The following GIGYF2 variants were observed in gnomAD, a reference collection of about 807,000 sequenced individuals.
The protein encoded by GIGYF2 is GRB10-interacting GYF protein 2.
In GIGYF2, 25 loss-of-function variants were observed where a neutral mutation model predicts 208.1. The observed-to-expected ratio is 0.12, with a 90% confidence interval of 0.09 to 0.17. The LOEUF is 0.17. Ranked by LOEUF, GIGYF2 falls within the 10% of genes least tolerant of loss-of-function variation. The pLI is 1.00. For missense variants in GIGYF2, 1,302 were observed against 1,579.4 expected, an observed-to-expected ratio of 0.82 and a Z score of 2.98; for synonymous variants, 534 against 543.8, an observed-to-expected ratio of 0.98 and a Z score of 0.25.
chr2:232,794,621 A>G (rs959032157), intron 12 of GIGYF2, 127 bp from the exon 13 acceptor site: 2 of 762,876 alleles, frequency 2.6e-6, no homozygotes, highest in Non-Finnish European at 4.7e-6. Flanking sequence ...AAGTAGCTTC[A>G]CTGTTCATGA....
chr2:232,844,445 C>G lies in GIGYF2; in HGVS notation c.3176C>G (p.Ser1059Cys), dbSNP rs1399636994. Residue 1059 changes from serine to cysteine, a missense_variant, in exon 25 of 29, where the codon TCT becomes TGT. Transcript: ENST00000373563. ...ACTGGTCCTCCTAACCAGTGGGCAT[C>G]TGACCTAGTCAGTAGTATTTGGAGT... ...INTGPPNQWA[S>C]DLVSSIWSNA... is the part of the protein sequence containing the mutation. The G allele has an allele frequency of 6.2e-7, 1 of 1,612,250 alleles. No homozygotes were observed. Among genetic ancestry groups the G allele is most frequent in the Admixed American group, 1.7e-5 (1 of 59,998 alleles).
At chr2:232,846,423 A>C (rs1178812960) in intron 26 of GIGYF2, among the ~76,000 whole-genome samples, 1 of 152,102 alleles carries the variant, frequency 6.6e-6, no homozygotes, top group Non-Finnish European at 1.5e-5. Flanking sequence ...GTTTACAAAC[A>C]GAACTGTCTC....
At chr2:232,700,434 G>A (rs951290293) in intron 1 of GIGYF2, among the ~76,000 whole-genome samples, 3 of 152,040 alleles carry the variant, frequency 2.0e-5, no homozygotes, top group Admixed American at 2.0e-4. Flanking sequence ...AACCTTTTTG[G>A]GTAAAAAGAT....
At chr2:232,846,162 T>C (rs1349956343) in intron 26 of GIGYF2, among the ~76,000 whole-genome samples, 4 of 152,224 alleles carry the variant, frequency 2.6e-5, no homozygotes, top group Non-Finnish European at 1.5e-5. Context: ...AGTTCCATAC[T>C]GTTCATTTTA....
chr2:232,777,507 T>C (rs1352699937), intron 8 of GIGYF2, among the ~76,000 whole-genome samples: 1 of 152,134 alleles, frequency 6.6e-6, no homozygotes, highest in East Asian at 1.9e-4. Flanking sequence ...ACAAAGACTG[T>C]GATTGTTCAA....
intron 28 of GIGYF2, among the ~76,000 whole-genome samples, chr2:232,855,005 T>C (rs1000168706): frequency 8.5e-5 from 13 of 152,078 alleles, no homozygotes; most frequent in Admixed American, 7.9e-4. Context: ...CCTCCAATTA[T>C]AGAAGTTTTG....
chr2:232,848,027 A>T (rs748850218), intron 27 of GIGYF2, among the ~76,000 whole-genome samples: 4 of 152,204 alleles, frequency 2.6e-5, no homozygotes, highest in Non-Finnish European at 5.9e-5. Flanking sequence ...ACATTCTGTA[A>T]AGTCCCCATG....
In GIGYF2 at chr2:232,804,459, T is replaced by G. The variant is rs139777249; in HGVS notation, c.1640-2032T>G. Reference sequence around the variant, plus strand: ...GAGTTCTTTTTGTTTTCTGTTTTTTTGGGTAGTTTCCTTGAGATTTTACAT... The same window carrying G: ...GAGTTCTTTTTGTTTTCTGTTTTTTGGGGTAGTTTCCTTGAGATTTTACAT... On this transcript the variant is annotated intron_variant, in intron 14 of 28. Coordinates refer to ENST00000373563, the MANE Select transcript of GIGYF2 (RefSeq NM_001103146.3). 2.2e-3 allele frequency among the ~76,000 whole-genome samples: 338 copies of G among 152,126 alleles called. 2 individuals carry two copies. The highest frequency in any genetic ancestry group is 7.6e-3 in the African/African-American group (314 of 41,512).
At chr2:232,835,366 C>T (rs187628019) in intron 22 of GIGYF2, among the ~76,000 whole-genome samples, 2 of 152,202 alleles carry the variant, frequency 1.3e-5, no homozygotes, top group East Asian at 1.9e-4. Flanking sequence ...GTCATCATAC[C>T]TTCCTTTACT....
At chr2:232,825,344 TGA>T (rs1701215357) in intron 21 of GIGYF2, among the ~76,000 whole-genome samples, 1 of 152,202 alleles carries the variant, frequency 6.6e-6, no homozygotes, top group Non-Finnish European at 1.5e-5. Context: ...TAGTGATTCA[TGA>T]GAGGAAGTCA....
chr2:232,737,000 A>G (rs1030831925), intron 3 of GIGYF2, among the ~76,000 whole-genome samples: 7 of 152,238 alleles, frequency 4.6e-5, no homozygotes, highest in African/African-American at 1.7e-4. Context: ...TTGGCAAACT[A>G]TGGCCTGTGG....
rs1037863681 is a variant in GIGYF2, at chr2:232,858,017, G to A, written c.*1157G>A. 10 of 165,014 alleles carry A rather than the reference G, an allele frequency of 6.1e-5. No individual in the cohort carries two copies. The highest frequency in any genetic ancestry group is 1.2e-4 in the Non-Finnish European group (9 of 76,988). The allele number at this position is 165,014 out of a possible 1,614,324, so 10.2% of individuals were successfully genotyped here. A position where few individuals can be genotyped will look rare whatever the true frequency, so the allele number is the denominator to read the frequency against. ...ATGCAGTGGGCTGGAGGGGATGGGCGAAAATGGGAGCAGGAAGCCTGGCCT... is the reference window on the plus strand; with the variant it reads ...ATGCAGTGGGCTGGAGGGGATGGGCAAAAATGGGAGCAGGAAGCCTGGCCT... On this transcript the variant is annotated 3_prime_UTR_variant, in exon 29 of 29. Transcript: ENST00000373563.
intron 6 of GIGYF2, 120 bp downstream of exon 6, chr2:232,756,454 A>C (rs1698545865): frequency 1.7e-6 from 1 of 579,118 alleles, no homozygotes; most frequent in African/African-American, 1.9e-5. Context: ...ACTGCATACT[A>C]AATGTCCTGA....
chr2:232,780,276 A>G (rs1405260535), intron 8 of GIGYF2, among the ~76,000 whole-genome samples: 1 of 152,194 alleles, frequency 6.6e-6, no homozygotes, highest in Non-Finnish European at 1.5e-5. Context: ...AATTTAATTT[A>G]ATTTTTAGAT....
intron 21 of GIGYF2, among the ~76,000 whole-genome samples, chr2:232,830,955 A>G (rs1040273808): frequency 6.6e-6 from 1 of 152,226 alleles, no homozygotes; most frequent in African/African-American, 2.4e-5. Flanking sequence ...GTTTTAAGAA[A>G]TATTGGTTAG....
rs1047303167 is a variant in GIGYF2, at chr2:232,847,337, C to T, written c.3461-11C>T. 1.2e-6 allele frequency: 2 copies of T among 1,609,616 alleles called. No homozygotes were observed. The highest frequency in any genetic ancestry group is 1.3e-5 in the African/African-American group (1 of 74,910). ...ATTGTTACCCTTATCTTCTCCCCTCCCGTTTTGCAGTTCCCACATTTGTTT... is the reference window on the plus strand; with the variant it reads ...ATTGTTACCCTTATCTTCTCCCCTCTCGTTTTGCAGTTCCCACATTTGTTT... On this transcript the variant is annotated splice_polypyrimidine_tract_variant and intron_variant, in intron 26 of 28. Coordinates refer to ENST00000373563, the MANE Select transcript of GIGYF2 (RefSeq NM_001103146.3).
chr2:232,772,764 A>G (rs950490100), intron 8 of GIGYF2, among the ~76,000 whole-genome samples: 4 of 152,206 alleles, frequency 2.6e-5, no homozygotes, highest in East Asian at 1.9e-4. Context: ...CTTTAGAGGT[A>G]GATACCCTTG....
intron 21 of GIGYF2, among the ~76,000 whole-genome samples, chr2:232,829,661 G>A (rs1225665581): frequency 6.6e-6 from 1 of 152,100 alleles, no homozygotes. Context: ...CTAGAGATTT[G>A]GGGGCTCATC....
chr2:232,840,114 A>G lies in GIGYF2; in HGVS notation c.2889+143A>G, dbSNP rs75843158. On this transcript the variant is annotated intron_variant, in intron 23 of 28. Coordinates refer to ENST00000373563, the MANE Select transcript of GIGYF2 (RefSeq NM_001103146.3). ...GACGTTCATTATTAAACTTCAGCCCATAATTTGGTTACCCTAGCAAATGTG... is the reference window on the plus strand; with the variant it reads ...GACGTTCATTATTAAACTTCAGCCCGTAATTTGGTTACCCTAGCAAATGTG... 5.6e-3 allele frequency: 4,988 copies of G among 890,420 alleles called. 168 individuals are homozygous for G. The African/African-American group carries it at 0.073, about 13-fold the overall frequency. The allele number at this position is 890,420 out of a possible 1,614,324, so 55.2% of individuals were successfully genotyped here.
Sources: allele counts gnomAD v4.1 joint callset (sites outside exome capture counted in the v4.1 genomes callset), GRCh38; gene constraint gnomAD v4.1.1; transcripts MANE v1.5; gene names NCBI Gene and HGNC (gene_info 2026-07-23, HGNC 2026-07-21).